Variants in TMEM132C observed in about 807,000 individuals in gnomAD.
The protein encoded by TMEM132C is transmembrane protein 132C.
TMEM132C carries 29 observed loss-of-function variants against 61.4 expected under a neutral mutation model. The ratio of observed to expected loss-of-function variants is 0.47; its 90% confidence interval spans 0.35 to 0.64. TMEM132C has a LOEUF of 0.64. TMEM132C is among the 30% of genes least tolerant of loss of function. The pLI, the probability that TMEM132C is intolerant of heterozygous loss-of-function variation, is 0.00. For missense variants in TMEM132C, 1,408 were observed against 1,476.9 expected, an observed-to-expected ratio of 0.95 and a Z score of 0.76; for synonymous variants, 656 against 633.1, an observed-to-expected ratio of 1.04 and a Z score of -0.54.
rs1333371926 is a variant in TMEM132C, at chr12:128,278,471, A to C, written c.85+10984A>C. Reference sequence around the variant, plus strand: ...GATCTCTCACTGCCTTCTCCTGGTCAGTTGTCTCCCTGGCCATGTCCTGGC... The same window carrying C: ...GATCTCTCACTGCCTTCTCCTGGTCCGTTGTCTCCCTGGCCATGTCCTGGC... On this transcript the variant is annotated intron_variant, in intron 1 of 8. Coordinates refer to ENST00000435159, the MANE Select transcript of TMEM132C (RefSeq NM_001136103.3). This position sits in a 1 kb window ranked among gnomAD's most constrained non-coding sequence, Gnocchi z 4.2. 6.6e-6 allele frequency among the ~76,000 whole-genome samples: 1 copy of C among 152,104 alleles called. No homozygotes were observed. The highest frequency in any genetic ancestry group is 1.5e-5 in the Non-Finnish European group (1 of 68,024).
At chr12:128,502,601 C>T (rs1872221214) in intron 2 of TMEM132C, among the ~76,000 whole-genome samples, 1 of 152,202 alleles carries the variant, frequency 6.6e-6, no homozygotes, top group Non-Finnish European at 1.5e-5. Context: ...AGAGTGGATC[C>T]AAAGCTAGTG....
intron 2 of TMEM132C, among the ~76,000 whole-genome samples, chr12:128,423,356 A>G (rs1291030349): frequency 2.6e-5 from 4 of 152,124 alleles, no homozygotes; most frequent in African/African-American, 7.2e-5. Context: ...CAGTCACTAA[A>G]TCTCCCCCAA....
intron 2 of TMEM132C, among the ~76,000 whole-genome samples, chr12:128,511,768 C>T (rs777272360): frequency 6.6e-6 from 1 of 152,212 alleles, no homozygotes; most frequent in Non-Finnish European, 1.5e-5. Flanking sequence ...ATGGCCCGCA[C>T]CCCACCCCAA....
chr12:128,317,303 G>T (rs1042634265), intron 1 of TMEM132C, among the ~76,000 whole-genome samples: 1 of 152,130 alleles, frequency 6.6e-6, no homozygotes. Context: ...AGTAAGAACA[G>T]ACGTTCAGTA....
At chr12:128,459,884 C>A (rs1405554799) in intron 2 of TMEM132C, among the ~76,000 whole-genome samples, 301 of 82,112 alleles carry the variant, frequency 3.7e-3, no homozygotes, top group African/African-American at 5.0e-3. Context: ...GACTCTGTCT[C>A]AAAAAAAAAA....
intron 1 of TMEM132C, among the ~76,000 whole-genome samples, chr12:128,373,136 G>A (rs1404852488): frequency 2.0e-5 from 3 of 152,104 alleles, no homozygotes; most frequent in Non-Finnish European, 4.4e-5. Context: ...GCTCAACAAC[G>A]TCCTCAGGAA....
chr12:128,305,478 T>C (rs1871738902), intron 1 of TMEM132C, among the ~76,000 whole-genome samples: 1 of 151,820 alleles, frequency 6.6e-6, no homozygotes, highest in Non-Finnish European at 1.5e-5. Context: ...ATCCATTCTC[T>C]AAACGTTAAG....
At chr12:128,269,659 C>T (rs1175385427) in intron 1 of TMEM132C, among the ~76,000 whole-genome samples, 2 of 152,052 alleles carry the variant, frequency 1.3e-5, no homozygotes, top group African/African-American at 4.8e-5. Flanking sequence ...TGCATAAGGG[C>T]CTGCAACTTA....
In TMEM132C at chr12:128,705,858, T is replaced by C. The variant is rs1180716011; in HGVS notation, c.2890T>C (p.Ser964Pro). Residue 964 changes from serine (S) to proline (P), a missense_variant, in exon 9 of 9, where the codon TCC (serine) becomes CCC (proline). By Grantham distance (74) the Ser-to-Pro change is moderately conservative (BLOSUM62 -1). Transcript: ENST00000435159. ...HKQVPLEGQASMTHSHDWVWL... is the reference protein window; with the variant it reads ...HKQVPLEGQAPMTHSHDWVWL... Reference sequence around the variant, plus strand: ...GCAAGTGCCCCTGGAAGGTCAGGCCTCCATGACCCACTCTCACGACTGGGT... The same window carrying C: ...GCAAGTGCCCCTGGAAGGTCAGGCCCCCATGACCCACTCTCACGACTGGGT... The C allele has an allele frequency of 3.2e-6, 5 of 1,551,470 alleles. No individual in the cohort carries two copies. Among genetic ancestry groups the C allele is most frequent in the Non-Finnish European group, 3.5e-6 (4 of 1,147,028 alleles).
chr12:128,593,183 CCT>C (rs1258407615), intron 3 of TMEM132C, among the ~76,000 whole-genome samples: 2 of 136,026 alleles, frequency 1.5e-5, no homozygotes, highest in Non-Finnish European at 3.1e-5. Context: ...TCTCTCTTCC[CCT>C]CTCTCACCTT....
intron 1 of TMEM132C, among the ~76,000 whole-genome samples, chr12:128,300,881 A>T (rs973778537): frequency 6.6e-6 from 1 of 152,190 alleles, no homozygotes; most frequent in African/African-American, 2.4e-5. Flanking sequence ...CTACAAAAAA[A>T]AATTCAGAAA....
At chr12:128,686,511 T>C (rs1954678378) in intron 5 of TMEM132C, among the ~76,000 whole-genome samples, 2 of 152,214 alleles carry the variant, frequency 1.3e-5, no homozygotes, top group Admixed American at 6.5e-5. Context: ...GAGGATTGCT[T>C]GAGCCCAGGA....
intron 2 of TMEM132C, among the ~76,000 whole-genome samples, chr12:128,539,293 C>A (rs1429433200): frequency 6.6e-6 from 1 of 152,196 alleles, no homozygotes; most frequent in East Asian, 1.9e-4. Context: ...GGTTCCCAAG[C>A]ATGAGTGTAA....
chr12:128,305,679 C>G (rs1262837213), intron 1 of TMEM132C, among the ~76,000 whole-genome samples: 2 of 152,010 alleles, frequency 1.3e-5, no homozygotes, highest in Non-Finnish European at 2.9e-5. Context: ...AAAATGAGAC[C>G]TCCCGGCAGC....
intron 1 of TMEM132C, among the ~76,000 whole-genome samples, chr12:128,412,419 C>T (rs1211268288): frequency 4.6e-5 from 7 of 152,168 alleles, no homozygotes; most frequent in Admixed American, 3.9e-4. Flanking sequence ...GAGACATTTG[C>T]TTATCTCCCT....
intron 3 of TMEM132C, among the ~76,000 whole-genome samples, chr12:128,565,122 G>A (rs1874651389): frequency 6.6e-6 from 1 of 152,224 alleles, no homozygotes; most frequent in South Asian, 2.1e-4. Flanking sequence ...TTCTTGGCCT[G>A]TGTGCTGGCA....
At position 128,616,372 on chromosome 12, in the gene TMEM132C, G is replaced by A. The variant is rs369163656; in HGVS notation, c.1305+37G>A. ...GTTACCTTGGATGCTCCTGCATTCAGCCACCTGACTGCATCCTGTGTCCTT... is the reference window on the plus strand; with the variant it reads ...GTTACCTTGGATGCTCCTGCATTCAACCACCTGACTGCATCCTGTGTCCTT... On this transcript the variant is annotated intron_variant, in intron 4 of 8. Coordinates refer to ENST00000435159, the MANE Select transcript of TMEM132C (RefSeq NM_001136103.3). The A allele has an allele frequency of 5.9e-4, 904 of 1,520,386 alleles. 13 individuals are homozygous for A. In the South Asian group the frequency reaches 7.4e-3, roughly 12 times the overall value. The allele number at this position is 1,520,386 out of a possible 1,614,324, so 94.2% of individuals were successfully genotyped here. A position where few individuals can be genotyped will look rare whatever the true frequency, so the allele number is the denominator to read the frequency against.
At chr12:128,308,570 C>T (rs909522393) in intron 1 of TMEM132C, among the ~76,000 whole-genome samples, 3 of 152,136 alleles carry the variant, frequency 2.0e-5, no homozygotes, top group African/African-American at 7.2e-5. Flanking sequence ...TGTAAATCTC[C>T]CTTAGTGCTT....
chr12:128,577,027 A>T lies in TMEM132C; in HGVS notation c.1121+32924A>T, dbSNP rs149362126. On this transcript the variant is annotated intron_variant, in intron 3 of 8. Transcript: ENST00000435159. ...CAACCATCACCACTGTTTAATTCTT[A>T]AACATTTTCATCACCTCAAAAGGCA... Among the ~76,000 whole-genome samples, 42 of 152,274 alleles carry T rather than the reference A, an allele frequency of 2.8e-4. No homozygotes were observed. The East Asian group carries it at 7.9e-3, about 29-fold the overall frequency.
Sources: gnomAD v4.1 joint callset for allele counts (sites outside exome capture counted in the v4.1 genomes callset) on GRCh38, gnomAD v4.1.1 for gene constraint, Gnocchi (gnomAD v3.1) non-coding constraint, MANE v1.5 for transcripts, NCBI Gene and HGNC (gene_info 2026-07-23, HGNC 2026-07-21) for gene names.